HNF1B: variants seen among roughly 807,000 people sequenced by gnomAD.
The protein encoded by HNF1B is hepatocyte nuclear factor 1-beta.
In HNF1B, 8 loss-of-function variants were observed where a neutral mutation model predicts 61.7. That is an observed-to-expected ratio of 0.13 (90% CI 0.08 to 0.23). The LOEUF is 0.23. HNF1B is among the 10% of genes least tolerant of loss of function. The pLI, the probability that HNF1B is intolerant of heterozygous loss-of-function variation, is 1.00. For missense variants in HNF1B, 562 were observed against 714.5 expected (o/e 0.79, Z 2.43); for synonymous variants, 314 against 287.7 (o/e 1.09, Z -0.93).
intron 4 of HNF1B, among the ~76,000 whole-genome samples, chr17:37,724,249 C>T (rs11651496): frequency 0.91 from 137,722 of 152,128 alleles, 62,517 homozygotes; most frequent in African/African-American, 0.98. Context: ...CCCCAGGGAA[C>T]TGGCATGCAC....
At chr17:37,712,402 G>A (rs933686476) in intron 4 of HNF1B, among the ~76,000 whole-genome samples, 3 of 152,142 alleles carry the variant, frequency 2.0e-5, no homozygotes, top group East Asian at 1.9e-4. Flanking sequence ...CAGCCCCCAC[G>A]TCTCCTGTTT....
At chr17:37,734,858 G>A (rs1448584212) in intron 2 of HNF1B, among the ~76,000 whole-genome samples, 3 of 148,104 alleles carry the variant, frequency 2.0e-5, no homozygotes, top group Non-Finnish European at 4.5e-5. Flanking sequence ...GTGTGATCTC[G>A]GCTCACTACA....
At chr17:37,690,009 A>G (rs921546524) in intron 8 of HNF1B, among the ~76,000 whole-genome samples, 7 of 31,988 alleles carry the variant, frequency 2.2e-4, no homozygotes, top group Admixed American at 1.1e-3. Context: ...GCGTGCACAC[A>G]CACACACACA....
Position 37,700,855 on chromosome 17 carries a change from G to C in HNF1B, c.1534+128C>G, listed in dbSNP as rs576805249. 6.8e-4 allele frequency: 555 copies of C among 816,996 alleles called. 2 individuals are homozygous for C. The highest frequency in any genetic ancestry group is 1.0e-3 in the Non-Finnish European group (495 of 491,072). The allele number at this position is 816,996 out of a possible 1,614,324, so 50.6% of individuals were successfully genotyped here. A position where few individuals can be genotyped will look rare whatever the true frequency, so the allele number is the denominator to read the frequency against. On this transcript the variant is annotated intron_variant, in intron 7 of 8. Coordinates refer to ENST00000617811, the MANE Select transcript of HNF1B (RefSeq NM_000458.4). Reference sequence around the variant, plus strand: ...TTATGCTTGAGAAATTGTCTTAGTCGGTTGATCATAGGCAGGGAAAAGTGA... The same window carrying C: ...TTATGCTTGAGAAATTGTCTTAGTCCGTTGATCATAGGCAGGGAAAAGTGA...
At chr17:37,693,304 T>C (rs1000079082) in intron 8 of HNF1B, among the ~76,000 whole-genome samples, 11 of 151,846 alleles carry the variant, frequency 7.2e-5, no homozygotes, top group Non-Finnish European at 1.0e-4. Context: ...TACTTGACTA[T>C]GTACTAGGCA....
intron 1 of HNF1B, among the ~76,000 whole-genome samples, chr17:37,742,263 C>T (rs1244404731): frequency 2.6e-5 from 4 of 152,362 alleles, no homozygotes; most frequent in Admixed American, 1.3e-4. Flanking sequence ...ACTTTCTAGA[C>T]GCCCCCGGCG....
chr17:37,730,153 T>C (rs1448206910), intron 4 of HNF1B: 1 of 152,656 alleles, frequency 6.6e-6, no homozygotes, highest in African/African-American at 2.4e-5. Context: ...ATGGCCATTG[T>C]CTTCCCAGTA....
At chr17:37,731,861 G>T in intron 3 of HNF1B, 31 bp from the exon 4 acceptor site, 1 of 1,446,146 alleles carries the variant, frequency 6.9e-7, no homozygotes, top group Non-Finnish European at 9.7e-7. Flanking sequence ...GATGGTGAGT[G>T]AGGGGGGGCG....
chr17:37,721,901 C>T (rs1044642103), intron 4 of HNF1B, among the ~76,000 whole-genome samples: 2 of 152,160 alleles, frequency 1.3e-5, no homozygotes, highest in African/African-American at 2.4e-5. Flanking sequence ...GCCTCAAACT[C>T]CTGGGTTCAA....
intron 4 of HNF1B, among the ~76,000 whole-genome samples, chr17:37,724,268 T>G (rs1249106714): frequency 2.0e-5 from 3 of 152,040 alleles, no homozygotes; most frequent in African/African-American, 7.2e-5. Context: ...ACTTTAACAT[T>G]TGAGAAGCTA....
intron 4 of HNF1B, chr17:37,720,867 C>T (rs2033290578): frequency 2.0e-6 from 2 of 985,300 alleles, no homozygotes; most frequent in African/African-American, 1.7e-5. Flanking sequence ...GGATGCAAAC[C>T]CTCTAGTTCC....
intron 5 of HNF1B, among the ~76,000 whole-genome samples, chr17:37,709,338 C>T (rs2032856799): frequency 2.0e-5 from 3 of 152,178 alleles, no homozygotes; most frequent in South Asian, 4.1e-4. Context: ...CAACCTCTGC[C>T]TCCCAGGCTC....
intron 8 of HNF1B, among the ~76,000 whole-genome samples, chr17:37,695,227 C>A (rs2411156): frequency 0.14 from 21,598 of 152,240 alleles, 1,596 homozygotes; most frequent in Middle Eastern, 0.21. Flanking sequence ...GCTCAAAGAG[C>A]CCCAGGTACA....
At chr17:37,698,622 A>G (rs1244681528) in intron 8 of HNF1B, among the ~76,000 whole-genome samples, 2 of 152,180 alleles carry the variant, frequency 1.3e-5, no homozygotes, top group Admixed American at 1.3e-4. Flanking sequence ...GTCCAGGGGA[A>G]TCAGCCTCAG....
intron 4 of HNF1B, chr17:37,731,369 T>C (rs2033675579): frequency 1.5e-6 from 1 of 660,124 alleles, no homozygotes; most frequent in African/African-American, 1.8e-5. Context: ...AAGGGCTCCC[T>C]GGAAGCCGAG....
In HNF1B at chr17:37,745,021, G is replaced by C; in HGVS notation, c.-137C>G. ...CCTCCAGACACCTGTTACTCCCCGG[G>C]GTCCCGGAGGCTCCTCCGAAAGGAG... On this transcript the variant is annotated 5_prime_UTR_variant, in exon 1 of 9. Transcript: ENST00000617811. 1.4e-6 allele frequency: 1 copy of C among 722,072 alleles called. No individual in the cohort carries two copies. Among genetic ancestry groups the C allele is most frequent in the Non-Finnish European group, 2.3e-6 (1 of 432,966 alleles). 44.7% of individuals were successfully genotyped at this position (722,072 alleles called of 1,614,324 possible).
At chr17:37,697,767 G>A (rs1490827199) in intron 8 of HNF1B, among the ~76,000 whole-genome samples, 1 of 152,092 alleles carries the variant, frequency 6.6e-6, no homozygotes, top group East Asian at 1.9e-4. Flanking sequence ...CTTCTATTGG[G>A]TGAGAGAAGA....
At chr17:37,742,564 G>C (rs1053965671) in intron 1 of HNF1B, among the ~76,000 whole-genome samples, 1 of 152,152 alleles carries the variant, frequency 6.6e-6, no homozygotes, top group Non-Finnish European at 1.5e-5. Flanking sequence ...TCCCGGGAGC[G>C]GGGGAGGAAA....
At position 37,737,671 on chromosome 17, in the gene HNF1B, C is replaced by CAA. The variant is rs71759311; in HGVS notation, c.544+1767_544+1768dup. 4.3e-3 allele frequency among the ~76,000 whole-genome samples: 618 copies of CAA among 142,838 alleles called. 5 individuals are homozygous for CAA. Among genetic ancestry groups the CAA allele is most frequent in the Middle Eastern group, 7.1e-3 (2 of 280 alleles). The allele number at this position is 142,838 out of a possible 152,430, so 93.7% of individuals were successfully genotyped here. ...GAAACCCCGTCTCTACTAAAAATAC[C>CAA]AAAAAAAAAAAAAATTAGCCAGGTG... On this transcript the variant is annotated intron_variant, in intron 2 of 8. Coordinates refer to ENST00000617811, the MANE Select transcript of HNF1B (RefSeq NM_000458.4).
Sources: allele counts gnomAD v4.1 joint callset (sites outside exome capture counted in the v4.1 genomes callset), GRCh38; gene constraint gnomAD v4.1.1; transcripts MANE v1.5; gene names NCBI Gene and HGNC (gene_info 2026-07-23, HGNC 2026-07-21).